The following FCRL2 variants were observed in gnomAD, a reference collection of about 807,000 sequenced individuals.
FCRL2 encodes the protein Fc receptor like 2, also known as Fc receptor-like protein 2.
Under a neutral mutation model 59.8 loss-of-function variants are expected in FCRL2, and 48 were observed. That is an observed-to-expected ratio of 0.80 (90% CI 0.64 to 1.02). The LOEUF (loss-of-function observed/expected upper bound fraction) is 1.02. Ranked by LOEUF, FCRL2 falls within the 50% of genes least tolerant of loss-of-function variation. FCRL2 has a pLI of 0.00. For synonymous variants in FCRL2, 251 were observed against 229.5 expected (o/e 1.09, Z -0.85); for missense variants, 658 against 597.3 (o/e 1.10, Z -1.06).
In FCRL2 at chr1:157,770,067, G is replaced by A. The variant is rs1405093788; in HGVS notation, c.394C>T (p.Leu132Phe). 2 of 1,614,180 alleles carry A rather than the reference G, an allele frequency of 1.2e-6. No individual in the cohort carries two copies. The highest frequency in any genetic ancestry group is 4.5e-5 in the East Asian group (2 of 44,882). ...TGAACATCCAACCTCTGTGGAGAGA[G>A]CCGGGTCTCACATTTCAGGCTCACT... is the stretch of plus-strand genomic sequence containing the variant. ...GPVSLKCETR[L>F]SPQRLDVQLQ... Residue 132 changes from leucine (L) to phenylalanine (F), a missense_variant, in exon 4 of 12, where the codon CTC becomes TTC. Physicochemically the swap from Leu to Phe is conservative, Grantham distance 22 (BLOSUM62 0). Coordinates refer to ENST00000361516, the MANE Select transcript of FCRL2 (RefSeq NM_030764.4).
At chr1:157,768,354 A>C (rs1377129574) in intron 5 of FCRL2, 60 bp downstream of exon 5, 1 of 1,555,668 alleles carries the variant, frequency 6.4e-7, no homozygotes, top group Non-Finnish European at 8.8e-7. Context: ...CTCAGGACAC[A>C]TGTGTATCAT....
chr1:157,757,502 G>C (rs1648689237), intron 7 of FCRL2, among the ~76,000 whole-genome samples: 1 of 151,820 alleles, frequency 6.6e-6, no homozygotes. Flanking sequence ...AAAAAAGAAA[G>C]AACAACAGAG....
At position 157,767,033 on chromosome 1, in the gene FCRL2, G is replaced by C. The variant is rs776083564; in HGVS notation, c.1163-62C>G. The C allele has an allele frequency of 2.7e-5, 39 of 1,436,722 alleles. No individual in the cohort carries two copies. The Admixed American group carries it at 6.9e-4, about 25-fold the overall frequency. The allele number at this position is 1,436,722 out of a possible 1,614,324, so 89.0% of individuals were successfully genotyped here. A position where few individuals can be genotyped will look rare whatever the true frequency, so the allele number is the denominator to read the frequency against. On this transcript the variant is annotated intron_variant, in intron 6 of 11. Coordinates refer to ENST00000361516, the MANE Select transcript of FCRL2 (RefSeq NM_030764.4). ...TAAGACTTGGGCCCTTCTTATAAAT[G>C]CTATATAGGGATGTTAAATACAAAT...
Position 157,768,693 on chromosome 1 carries a change from T to C in FCRL2, c.604A>G (p.Ile202Val). Reference protein sequence around the residue: ...QSQIHVQRIPISNVSLEIRAP... With the variant: ...QSQIHVQRIPVSNVSLEIRAP... ...CGGATCTCCAAGCTTACATTAGAGA[T>C]GGGGATTCCTAGATGGATATAAGAC... The change falls in exon 5 of 12, where the codon ATC (isoleucine) becomes GTC (valine). Residue 202 changes from isoleucine (I) to valine (V), a missense_variant. Transcript: ENST00000361516. 1 of 1,608,720 alleles carries C rather than the reference T, an allele frequency of 6.2e-7. No homozygotes were observed. Among genetic ancestry groups the C allele is most frequent in the Non-Finnish European group, 8.5e-7 (1 of 1,177,188 alleles).
intron 7 of FCRL2, among the ~76,000 whole-genome samples, chr1:157,764,193 ACT>A (rs1649325058): frequency 6.6e-6 from 1 of 152,012 alleles, no homozygotes; most frequent in African/African-American, 2.4e-5. Context: ...ACAGAGCAAG[ACT>A]CTGCCTCAAA....
chr1:157,775,761 C>T lies in FCRL2; in HGVS notation c.52+14G>A. 3 of 1,613,998 alleles carry T rather than the reference C, an allele frequency of 1.9e-6. No homozygotes were observed. The highest frequency in any genetic ancestry group is 1.3e-5 in the African/African-American group (1 of 75,038). Reference sequence around the variant, plus strand: ...TGCCAGAGACCAAGAACAACAAAGACAAGGAGGACTCACCTGCCTGTTCAG... The same window carrying T: ...TGCCAGAGACCAAGAACAACAAAGATAAGGAGGACTCACCTGCCTGTTCAG... On this transcript the variant is annotated intron_variant, in intron 2 of 11. Transcript: ENST00000361516.
In FCRL2 at chr1:157,768,643, T is replaced by C. The variant is rs1488977637; in HGVS notation, c.654A>G (p.Glu218=). The stretch of plus-strand genomic sequence containing the variant: ...AGCAGAGCAGGATCAGTTTTTGTCC[T>C]TCAGTCACCTGTCCCCCGGGGGCCC... The part of the protein sequence containing the change: ...EIRAPGGQVT[E]GQKLILLCSV... Residue 218 remains glutamate (E), a synonymous_variant, in exon 5 of 12, where the codon GAA becomes GAG. Transcript: ENST00000361516. 6.2e-7 allele frequency: 1 copy of C among 1,614,174 alleles called. No homozygotes were observed.
chr1:157,746,699 C>T lies in FCRL2; in HGVS notation c.*37G>A, dbSNP rs778653061. 1.9e-6 allele frequency: 3 copies of T among 1,600,086 alleles called. No individual in the cohort carries two copies. Among genetic ancestry groups the T allele is most frequent in the Non-Finnish European group, 2.6e-6 (3 of 1,167,406 alleles). On this transcript the variant is annotated 3_prime_UTR_variant, in exon 12 of 12. Transcript: ENST00000361516. Reference sequence around the variant, plus strand: ...ATAGCAAGTCTTAATGATGCCCCATCCTTGCTGTTGATCTTCCCTTCTGAT... The same window carrying T: ...ATAGCAAGTCTTAATGATGCCCCATTCTTGCTGTTGATCTTCCCTTCTGAT...
At chr1:157,765,655 T>A (rs117980891) in intron 7 of FCRL2, among the ~76,000 whole-genome samples, 4 of 152,130 alleles carry the variant, frequency 2.6e-5, no homozygotes, top group Admixed American at 6.5e-5. Context: ...CTTTTGACAG[T>A]GTTGTGGGGT....
intron 7 of FCRL2, among the ~76,000 whole-genome samples, chr1:157,760,230 G>A (rs1450604729): frequency 6.6e-6 from 1 of 152,162 alleles, no homozygotes; most frequent in African/African-American, 2.4e-5. Flanking sequence ...ATATGTGAGA[G>A]CTAAACGTTG....
At chr1:157,759,849 G>A (rs1363274936) in intron 7 of FCRL2, among the ~76,000 whole-genome samples, 1 of 152,200 alleles carries the variant, frequency 6.6e-6, no homozygotes, top group Non-Finnish European at 1.5e-5. Flanking sequence ...TGGTGGCAAT[G>A]TAAATTAGTT....
Position 157,768,456 on chromosome 1 carries a change from G to T in FCRL2, c.841C>A (p.His281Asn), listed in dbSNP as rs1649700228. ...GKYYCRADNG[H>N]VPIQSKVVNI... ...ACCACCTTGCTCTGGATAGGCACATGGCCGTTGTCAGCTCTACAGTAATAT... is the reference window on the plus strand; with the variant it reads ...ACCACCTTGCTCTGGATAGGCACATTGCCGTTGTCAGCTCTACAGTAATAT... The change falls in exon 5 of 12, where the codon CAT (histidine) becomes AAT (asparagine). Residue 281 changes from histidine to asparagine, a missense_variant. Transcript: ENST00000361516. The T allele has an allele frequency of 2.5e-6, 4 of 1,614,206 alleles. No homozygotes were observed. The highest frequency in any genetic ancestry group is 3.4e-6 in the Non-Finnish European group (4 of 1,180,028).
chr1:157,751,073 A>G (rs1648150701), intron 7 of FCRL2, among the ~76,000 whole-genome samples: 1 of 152,326 alleles, frequency 6.6e-6, no homozygotes, highest in Middle Eastern at 3.4e-3. Context: ...ATACAAATAT[A>G]TAAGAAAAAA....
chr1:157,764,851 C>G (rs911836278), intron 7 of FCRL2, among the ~76,000 whole-genome samples: 1 of 152,096 alleles, frequency 6.6e-6, no homozygotes, highest in Non-Finnish European at 1.5e-5. Flanking sequence ...TAGCAATAAA[C>G]ACCTACAACA....
At chr1:157,774,310 G>T in intron 2 of FCRL2, 1 of 380,562 alleles carries the variant, frequency 2.6e-6, no homozygotes, top group South Asian at 2.0e-5. Flanking sequence ...CTTTTCCCCA[G>T]AGCCAAGACT....
intron 1 of FCRL2, 89 bp from the exon 2 acceptor site, chr1:157,775,884 A>C: frequency 7.1e-7 from 1 of 1,414,328 alleles, no homozygotes; most frequent in Non-Finnish European, 9.7e-7. Context: ...TTGCTCAAAA[A>C]CTTCTTTCCA....
Position 157,770,124 on chromosome 1 carries a change from C to T in FCRL2, c.337G>A (p.Ala113Thr), listed in dbSNP as rs780265354. The change falls in exon 4 of 12, where the codon GCC (alanine) becomes ACC (threonine). Residue 113 changes from alanine (A) to threonine (T), a missense_variant. Transcript: ENST00000361516. ...QELFQRPVLT[A>T]SSFQPIEGGP... The stretch of plus-strand genomic sequence containing the variant: ...CCTTCGATGGGCTGGAAGGAGCTGG[C>T]AGTCAGCACAGGACGTTGAAAGAGC... 15 of 1,614,026 alleles carry T rather than the reference C, an allele frequency of 9.3e-6. No homozygotes were observed. Among genetic ancestry groups the T allele is most frequent in the Middle Eastern group, 1.7e-4 (1 of 5,964 alleles).
At chr1:157,766,750 C>G (rs760696474) in intron 7 of FCRL2, 105 bp downstream of exon 7, 1 of 1,550,390 alleles carries the variant, frequency 6.4e-7, no homozygotes, top group South Asian at 1.3e-5. Flanking sequence ...AAATTATTGG[C>G]TTTTGGAGAG....
chr1:157,773,985 A>C (rs950297868), intron 2 of FCRL2, among the ~76,000 whole-genome samples: 9 of 152,258 alleles, frequency 5.9e-5, no homozygotes, highest in African/African-American at 2.2e-4. Context: ...GTTCTTAGGC[A>C]GAGCAAATAA....
Sources: gnomAD v4.1 joint callset for allele counts (sites outside exome capture counted in the v4.1 genomes callset) on GRCh38, gnomAD v4.1.1 for gene constraint, MANE v1.5 for transcripts, NCBI Gene and HGNC (gene_info 2026-07-23, HGNC 2026-07-21) for gene names.